The following MALT1 variants were observed in gnomAD, a reference collection of about 807,000 sequenced individuals.
MALT1 encodes MALT1 paracaspase, also known as mucosa-associated lymphoid tissue lymphoma translocation protein 1.
In MALT1, 36 loss-of-function variants were observed where a neutral mutation model predicts 85.5. The ratio of observed to expected loss-of-function variants is 0.42; its 90% CI spans 0.32 to 0.56. The LOEUF (loss-of-function observed/expected upper bound fraction) is 0.56, where lower values mean the gene tolerates loss of function less well. MALT1 is among the 20% of genes least tolerant of loss of function. MALT1 has a pLI of 0.10. For missense variants in MALT1, 716 were observed against 981.6 expected (o/e 0.73, Z 3.62); for synonymous variants, 359 against 361.3 (o/e 0.99, Z 0.07).
chr18:58,692,407 CCTCTCTCTCT>C (rs35054606), intron 2 of MALT1, among the ~76,000 whole-genome samples: 84 of 130,396 alleles, frequency 6.4e-4, no homozygotes, highest in African/African-American at 2.0e-3. Flanking sequence ...ACTGGCCATT[CCTCTCTCTCT>C]CTCTCTCTCT....
intron 9 of MALT1, among the ~76,000 whole-genome samples, chr18:58,718,761 A>T (rs1364367775): frequency 6.6e-6 from 1 of 152,222 alleles, no homozygotes; most frequent in Non-Finnish European, 1.5e-5. Flanking sequence ...CCTAGTAGAA[A>T]TATGTAAAGA....
chr18:58,704,907 C>T (rs944134274), intron 4 of MALT1, among the ~76,000 whole-genome samples: 11 of 152,018 alleles, frequency 7.2e-5, no homozygotes, highest in African/African-American at 2.7e-4. Context: ...GTGTTTAGTC[C>T]ATTTACATAT....
intron 10 of MALT1, among the ~76,000 whole-genome samples, chr18:58,728,421 A>G (rs1323897762): frequency 1.3e-5 from 2 of 151,920 alleles, no homozygotes; most frequent in Non-Finnish European, 2.9e-5. Flanking sequence ...CTTGGACAAT[A>G]TAGTGAGACC....
At chr18:58,712,393 G>A (rs915646320) in intron 7 of MALT1, among the ~76,000 whole-genome samples, 3 of 152,154 alleles carry the variant, frequency 2.0e-5, no homozygotes, top group Non-Finnish European at 2.9e-5. Context: ...ATGAAATGAT[G>A]TCACTTGCAG....
Position 58,684,213 on chromosome 18 carries a change from C to T in MALT1, c.376+2877C>T, listed in dbSNP as rs563796391. ...CCTCCCAAAGTGCTGGGATTACAGG[C>T]GGGAGCCACCGCCCTGTTTCTGTGT... On this transcript the variant is annotated intron_variant, in intron 2 of 16. Transcript: ENST00000649217. 7.9e-5 allele frequency among the ~76,000 whole-genome samples: 12 copies of T among 152,294 alleles called. No individual in the cohort carries two copies. In the South Asian group the frequency reaches 2.5e-3, roughly 32 times the overall value.
At chr18:58,693,232 G>C (rs2054538370) in intron 2 of MALT1, among the ~76,000 whole-genome samples, 2 of 152,194 alleles carry the variant, frequency 1.3e-5, no homozygotes, top group South Asian at 4.1e-4. Context: ...ACCAGCCTGG[G>C]CAACATGGTG....
Position 58,671,613 on chromosome 18 carries a change from C to A in MALT1, c.-31C>A. 2 of 1,204,504 alleles carry A rather than the reference C, an allele frequency of 1.7e-6. No homozygotes were observed. Among genetic ancestry groups the A allele is most frequent in the African/African-American group, 1.6e-5 (1 of 63,440 alleles). The allele number at this position is 1,204,504 out of a possible 1,614,324, so 74.6% of individuals were successfully genotyped here. A position where few individuals can be genotyped will look rare whatever the true frequency, so the allele number is the denominator to read the frequency against. Reference sequence around the variant, plus strand: ...AGGCCCGTGACGGGGCGGGCGGGAGCCCCGGCAGTCCGGGGTCGCCGGCGA... The same window carrying A: ...AGGCCCGTGACGGGGCGGGCGGGAGACCCGGCAGTCCGGGGTCGCCGGCGA... On this transcript the variant is annotated 5_prime_UTR_variant, in exon 1 of 17. Transcript: ENST00000649217.
intron 10 of MALT1, among the ~76,000 whole-genome samples, chr18:58,723,526 G>A (rs2055013087): frequency 6.6e-6 from 1 of 151,644 alleles, no homozygotes; most frequent in Admixed American, 6.6e-5. Flanking sequence ...AATTGATAGA[G>A]CCACAGTATA....
intron 2 of MALT1, among the ~76,000 whole-genome samples, chr18:58,681,924 TG>T (rs1208877190): frequency 6.6e-6 from 1 of 152,190 alleles, no homozygotes; most frequent in Non-Finnish European, 1.5e-5. Flanking sequence ...TCCATTCAGC[TG>T]CTCTCCTCTC....
intron 3 of MALT1, among the ~76,000 whole-genome samples, chr18:58,699,358 T>C (rs2054639227): frequency 6.6e-6 from 1 of 152,190 alleles, no homozygotes; most frequent in Admixed American, 6.5e-5. Flanking sequence ...TATAGTAGGA[T>C]TGTCAGGCAG....
chr18:58,678,054 C>A (rs1412544528), intron 1 of MALT1, among the ~76,000 whole-genome samples: 1 of 152,066 alleles, frequency 6.6e-6, no homozygotes, highest in Non-Finnish European at 1.5e-5. Flanking sequence ...CTGTTACTTG[C>A]CAAGCACTGT....
rs923556568 is a variant in MALT1, at chr18:58,681,224, C to G, written c.264C>G (p.Pro88=). The G allele has an allele frequency of 3.5e-5, 56 of 1,614,016 alleles. No individual in the cohort carries two copies. The highest frequency in any genetic ancestry group is 4.6e-5 in the Non-Finnish European group (54 of 1,180,014). Residue 88 remains proline, a synonymous_variant, in exon 2 of 17, where the codon CCC becomes CCG. Transcript: ENST00000649217. ...SLKVLEPEGS[P]SLCLLKLMGE... ...AGGTACTGGAGCCTGAAGGAAGCCCCAGCCTGTGTCTGCTGAAGTTAATGG... is the reference window on the plus strand; with the variant it reads ...AGGTACTGGAGCCTGAAGGAAGCCCGAGCCTGTGTCTGCTGAAGTTAATGG...
chr18:58,671,705 T>C lies in MALT1; in HGVS notation c.62T>C (p.Leu21Pro). The change falls in exon 1 of 17, where the codon CTG becomes CCG. Residue 21 changes from leucine (L) to proline (P), a missense_variant. Physicochemically the swap from Leu to Pro is moderately conservative, Grantham distance 98. This residue lies in a region of MALT1 where 80 missense variants were observed against 65.1 expected (regional missense o/e 1.23). Transcript: ENST00000649217. ...CCCTCGGCCGCCCCCACGGGGCCGC[T>C]GCTCGCCCCTCCGGCCGGCGCGACC... ...LPPSAAPTGPLLAPPAGATLN... is the reference protein window; with the variant it reads ...LPPSAAPTGPPLAPPAGATLN... The C allele has an allele frequency of 7.9e-7, 1 of 1,268,850 alleles. No individual in the cohort carries two copies. Among genetic ancestry groups the C allele is most frequent in the Non-Finnish European group, 9.9e-7 (1 of 1,007,920 alleles). 78.6% of individuals were successfully genotyped at this position (1,268,850 alleles called of 1,614,324 possible). A position where few individuals can be genotyped will look rare whatever the true frequency, so the allele number is the denominator to read the frequency against.
intron 3 of MALT1, among the ~76,000 whole-genome samples, chr18:58,698,268 T>G (rs984876427): frequency 6.6e-6 from 1 of 152,014 alleles, no homozygotes; most frequent in Non-Finnish European, 1.5e-5. Context: ...GGTTTCACCA[T>G]GTTGGCCAGG....
Position 58,748,340 on chromosome 18 carries a change from C to T in MALT1, c.*498C>T, listed in dbSNP as rs1315547018. 4 of 197,806 alleles carry T rather than the reference C, an allele frequency of 2.0e-5. No homozygotes were observed. The highest frequency in any genetic ancestry group is 9.2e-5 in the African/African-American group (4 of 43,308). The allele number at this position is 197,806 out of a possible 1,614,324, so 12.3% of individuals were successfully genotyped here. A position where few individuals can be genotyped will look rare whatever the true frequency, so the allele number is the denominator to read the frequency against. On this transcript the variant is annotated 3_prime_UTR_variant, in exon 17 of 17. Transcript: ENST00000649217. Reference sequence around the variant, plus strand: ...TACACAACTGCCTTCCTGACAGGTTCTGAGATAAGTGTTATGTTTGTAGAT... The same window carrying T: ...TACACAACTGCCTTCCTGACAGGTTTTGAGATAAGTGTTATGTTTGTAGAT...
At chr18:58,744,298 C>T in intron 14 of MALT1, 40 bp from the exon 15 acceptor site, 1 of 1,482,586 alleles carries the variant, frequency 6.7e-7, no homozygotes, top group Non-Finnish European at 9.2e-7. Context: ...CTCTTATCAT[C>T]AGAAAACCTA....
Position 58,671,602 on chromosome 18 carries a change from G to T in MALT1, c.-42G>T. Reference sequence around the variant, plus strand: ...CCCCGGGGCCGAGGCCCGTGACGGGGCGGGCGGGAGCCCCGGCAGTCCGGG... The same window carrying T: ...CCCCGGGGCCGAGGCCCGTGACGGGTCGGGCGGGAGCCCCGGCAGTCCGGG... On this transcript the variant is annotated 5_prime_UTR_variant, in exon 1 of 17. Coordinates refer to ENST00000649217, the MANE Select transcript of MALT1 (RefSeq NM_006785.4). 8.4e-7 allele frequency: 1 copy of T among 1,184,804 alleles called. No individual in the cohort carries two copies. The highest frequency in any genetic ancestry group is 3.3e-4 in the Middle Eastern group (1 of 3,042). The allele number at this position is 1,184,804 out of a possible 1,614,324, so 73.4% of individuals were successfully genotyped here.
chr18:58,715,797 A>G (rs2054891317), intron 8 of MALT1, 138 bp from the exon 9 acceptor site: 2 of 678,896 alleles, frequency 2.9e-6, no homozygotes, highest in Non-Finnish European at 5.2e-6. Flanking sequence ...TCCATTCAAG[A>G]GTGTTTTTAT....
rs189826384 is a variant in MALT1, at chr18:58,695,126, T to C, written c.377-1240T>C. On this transcript the variant is annotated intron_variant, in intron 2 of 16. Transcript: ENST00000649217. ...CGTTTGTCTGCCGCCATGTGAGACA[T>C]GCCTTTCACCTTCCACCATGATTGT... 4.4e-3 allele frequency among the ~76,000 whole-genome samples: 670 copies of C among 152,334 alleles called. 3 individuals carry two copies. Among genetic ancestry groups the C allele is most frequent in the Non-Finnish European group, 6.9e-3 (468 of 68,026 alleles).
Sources: allele counts gnomAD v4.1 joint callset (sites outside exome capture counted in the v4.1 genomes callset), GRCh38; gene constraint gnomAD v4.1.1; regional missense constraint gnomAD v4.1.1; transcripts MANE v1.5; gene names NCBI Gene and HGNC (gene_info 2026-07-23, HGNC 2026-07-21).